ZNF215: variants seen among roughly 807,000 people sequenced by gnomAD.
ZNF215 encodes the protein zinc finger protein 215, also known as BWSCR2-associated zinc finger protein 2.
Under a neutral mutation model 27.2 loss-of-function variants are expected in ZNF215, and 24 were observed. The ratio of observed to expected loss-of-function variants is 0.88; its 90% CI spans 0.64 to 1.24. ZNF215 has a LOEUF of 1.24. ZNF215 is among the 50% of genes most tolerant of loss of function. ZNF215 has a pLI of 0.00. For synonymous variants in ZNF215, 210 were observed against 204.0 expected (o/e 1.03, Z -0.25); for missense variants, 675 against 605.7 (o/e 1.11, Z -1.20).
intron 5 of ZNF215, among the ~76,000 whole-genome samples, chr11:6,963,966 T>C (rs1208044278): frequency 6.6e-6 from 1 of 152,088 alleles, no homozygotes; most frequent in Non-Finnish European, 1.5e-5. Flanking sequence ...CCGGGTTTTT[T>C]AAATGTTTTC....
chr11:6,947,987 T>A (rs1038449116), intron 6 of ZNF215, among the ~76,000 whole-genome samples: 2 of 152,164 alleles, frequency 1.3e-5, no homozygotes, highest in African/African-American at 4.8e-5. Context: ...ACAGGCAACA[T>A]CCTGAGAGAA....
intron 5 of ZNF215, among the ~76,000 whole-genome samples, chr11:6,964,593 T>G (rs1173483824): frequency 6.6e-5 from 10 of 152,038 alleles, no homozygotes; most frequent in Non-Finnish European, 1.5e-4. Flanking sequence ...TTTCTTTCAC[T>G]GATCTTTGTG....
intron 5 of ZNF215, among the ~76,000 whole-genome samples, 164 bp from the exon 6 acceptor site, chr11:6,943,382 T>A (rs1034635197): frequency 2.6e-5 from 4 of 152,208 alleles, no homozygotes; most frequent in Admixed American, 2.6e-4. Context: ...ATGAAAGTCC[T>A]TTCTGATATT....
At chr11:6,964,104 T>C (rs552599245) in intron 5 of ZNF215, among the ~76,000 whole-genome samples, 13 of 152,178 alleles carry the variant, frequency 8.5e-5, no homozygotes, top group African/African-American at 3.1e-4. Context: ...ATTTGTCATA[T>C]ATTTTTGATG....
intron 2 of ZNF215, among the ~76,000 whole-genome samples, chr11:6,929,101 G>A (rs1411250646): frequency 6.6e-6 from 1 of 152,290 alleles, no homozygotes; most frequent in East Asian, 1.9e-4. Context: ...GCCCATGAAA[G>A]GCACCATTAC....
chr11:6,994,132 C>T (rs1851150989), intron 6 of ZNF215, among the ~76,000 whole-genome samples: 2 of 151,772 alleles, frequency 1.3e-5, no homozygotes, highest in Non-Finnish European at 1.5e-5. Context: ...CATTATAGTG[C>T]TGTTGTCTTG....
chr11:6,981,233 A>G (rs1212196133), intron 5 of ZNF215, among the ~76,000 whole-genome samples: 10 of 149,020 alleles, frequency 6.7e-5, no homozygotes, highest in African/African-American at 2.5e-4. Flanking sequence ...CCAACAGTGT[A>G]AAAGTGTTCC....
intron 5 of ZNF215, among the ~76,000 whole-genome samples, chr11:6,963,550 T>C (rs1012988287): frequency 2.0e-5 from 3 of 152,074 alleles, no homozygotes; most frequent in African/African-American, 7.2e-5. Flanking sequence ...TTGAAAGACA[T>C]TTGGATTGTT....
chr11:6,993,911 C>T (rs1314212110), downstream of ZNF215, among the ~76,000 whole-genome samples: 1 of 152,168 alleles, frequency 6.6e-6, no homozygotes, highest in African/African-American at 2.4e-5. Context: ...CAAAGCAATG[C>T]CATACCTTCT....
intron 3 of ZNF215, among the ~76,000 whole-genome samples, chr11:6,940,056 C>T (rs953924042): frequency 1.3e-5 from 2 of 149,994 alleles, no homozygotes; most frequent in Admixed American, 1.3e-4. Context: ...GACCCTGTCT[C>T]TAAAGAAAAA....
intron 6 of ZNF215, among the ~76,000 whole-genome samples, chr11:6,947,971 G>C (rs12289004): frequency 0.012 from 1,772 of 152,292 alleles, 40 homozygotes; most frequent in African/African-American, 0.041. Flanking sequence ...AGGTGGCTGG[G>C]TTCTAACAGG....
chr11:6,963,369 CAT>C (rs1850556504), intron 5 of ZNF215, among the ~76,000 whole-genome samples: 1 of 151,902 alleles, frequency 6.6e-6, no homozygotes, highest in Non-Finnish European at 1.5e-5. Flanking sequence ...GAGATTCAAA[CAT>C]GTTATTGCAT....
chr11:6,988,321 G>C (rs1172414913), downstream of ZNF215: 1 of 912,268 alleles, frequency 1.1e-6, no homozygotes, highest in African/African-American at 1.8e-5. Flanking sequence ...TCTTGGTAAA[G>C]TAAGCCACTC....
At chr11:6,941,702 A>G in intron 4 of ZNF215, 49 bp downstream of exon 4, 1 of 1,583,526 alleles carries the variant, frequency 6.3e-7, no homozygotes, top group Non-Finnish European at 8.6e-7. Flanking sequence ...CATTTTTAGT[A>G]TTACCTGCTT....
At chr11:6,961,769 A>T (rs568374679), downstream of ZNF215, among the ~76,000 whole-genome samples, 1 of 152,106 alleles carries the variant, frequency 6.6e-6, no homozygotes, top group African/African-American at 2.4e-5. Flanking sequence ...GGCTCCACAT[A>T]TTTAAAAATC....
downstream of ZNF215, among the ~76,000 whole-genome samples, chr11:6,986,142 C>A (rs963678539): frequency 6.6e-6 from 1 of 152,104 alleles, no homozygotes; most frequent in Non-Finnish European, 1.5e-5. Flanking sequence ...TACAATGCTA[C>A]AGTAACCAAA....
chr11:6,993,945 A>G (rs1008128675), intron 6 of ZNF215, among the ~76,000 whole-genome samples: 3 of 152,264 alleles, frequency 2.0e-5, no homozygotes, highest in Non-Finnish European at 4.4e-5. Flanking sequence ...CTACCATAAA[A>G]AGCATCCTTT....
chr11:6,928,663 A>G (rs1590041107), intron 2 of ZNF215, among the ~76,000 whole-genome samples: 1 of 152,026 alleles, frequency 6.6e-6, no homozygotes, highest in African/African-American at 2.4e-5. Context: ...CATCTCTGTT[A>G]TTTTTACTTT....
At position 6,956,138 on chromosome 11, in the gene ZNF215, C is replaced by T; in HGVS notation, c.1161C>T (p.Ala387=). 6.2e-7 allele frequency: 1 copy of T among 1,613,792 alleles called. No homozygotes were observed. Residue 387 remains alanine, a synonymous_variant, in exon 7 of 7, where the codon GCC becomes GCT. Coordinates refer to ENST00000278319, the MANE Select transcript of ZNF215 (RefSeq NM_013250.4). ...NSYECYQCGK[A]FCRSSSLIRH... is the part of the protein sequence containing the mutation. ...ATGAATGTTATCAATGTGGGAAAGC[C>T]TTCTGCCGAAGTTCATCCCTTATTC...
Sources: gnomAD v4.1 joint callset for allele counts (sites outside exome capture counted in the v4.1 genomes callset) on GRCh38, gnomAD v4.1.1 for gene constraint, MANE v1.5 for transcripts, NCBI Gene and HGNC (gene_info 2026-07-23, HGNC 2026-07-21) for gene names.